RIC3: variants seen among roughly 807,000 people sequenced by gnomAD.
RIC3 encodes the protein protein RIC-3.
In RIC3, 28 loss-of-function variants were observed where a neutral mutation model predicts 27.3. The ratio of observed to expected loss-of-function variants is 1.02; its 90% CI spans 0.76 to 1.41. The LOEUF (loss-of-function observed/expected upper bound fraction) is 1.41, where lower values mean the gene tolerates loss of function less well. RIC3 is among the 40% of genes most tolerant of loss of function. RIC3 has a pLI of 0.00. For missense variants in RIC3, 501 were observed against 444.7 expected (o/e 1.13, Z -1.14); for synonymous variants, 184 against 160.4 (o/e 1.15, Z -1.11).
At chr11:8,166,214 T>C (rs1951682617) in intron 1 of RIC3, among the ~76,000 whole-genome samples, 1 of 152,228 alleles carries the variant, frequency 6.6e-6, no homozygotes, top group African/African-American at 2.4e-5. Context: ...CTGTTTTGCA[T>C]TTATCTGTTG....
the RIC3 span, chr11:8,100,962 C>T: frequency 1.9e-6 from 3 of 1,614,170 alleles, no homozygotes; most frequent in Non-Finnish European, 2.5e-6. Flanking sequence ...ACACAGGCCT[C>T]CGTGAAGAAC....
downstream of RIC3, chr11:8,103,819 GGTTCTGA>G (rs1287643574): frequency 8.5e-5 from 13 of 152,710 alleles, no homozygotes; most frequent in African/African-American, 3.1e-4. Context: ...AGAACAGGCT[GGTTCTGA>G]GTTCTGGTGA....
At chr11:8,156,113 C>T (rs1296238698) in intron 1 of RIC3, among the ~76,000 whole-genome samples, 1 of 151,160 alleles carries the variant, frequency 6.6e-6, no homozygotes, top group Admixed American at 6.6e-5. Flanking sequence ...TTGCTTAGCA[C>T]AGGGCCCGAT....
intron 1 of RIC3, among the ~76,000 whole-genome samples, chr11:8,149,581 A>C (rs1353903009): frequency 2.6e-5 from 4 of 152,212 alleles, no homozygotes; most frequent in Non-Finnish European, 5.9e-5. Context: ...ACAGTAACTT[A>C]GCACTGAGAT....
chr11:8,128,247 G>A (rs1243623837), intron 4 of RIC3: 1 of 457,286 alleles, frequency 2.2e-6, no homozygotes, highest in Admixed American at 2.4e-5. Context: ...TGTCTCTTCA[G>A]GCGGCACATG....
intron 4 of RIC3, among the ~76,000 whole-genome samples, chr11:8,129,219 C>T (rs1038158219): frequency 6.6e-6 from 1 of 151,844 alleles, no homozygotes; most frequent in Admixed American, 6.6e-5. Flanking sequence ...TTAAACATTC[C>T]TTTTATCTAT....
At chr11:8,161,061 C>A (rs1052719391) in intron 1 of RIC3, among the ~76,000 whole-genome samples, 2 of 152,026 alleles carry the variant, frequency 1.3e-5, no homozygotes, top group Non-Finnish European at 2.9e-5. Context: ...GAAAAGTGAG[C>A]TGGAGGGGAA....
At chr11:8,122,864 C>CAAAAAAAAAAAAAAAAAAAAAAAA (rs55826618) in intron 5 of RIC3, among the ~76,000 whole-genome samples, 1 of 63,514 alleles carries the variant, frequency 1.6e-5, no homozygotes, top group South Asian at 5.8e-4. Context: ...ACCAGGTATG[C>CAAAAAAAAAAAAAAAAAAAAAAAA]AAAAAAAAAA....
Position 8,109,720 on chromosome 11 carries a change from A to C in RIC3, c.*978T>G, listed in dbSNP as rs185719546. 6.6e-6 allele frequency: 1 copy of C among 152,190 alleles called. No homozygotes were observed. The allele number at this position is 152,190 out of a possible 1,614,324, so 9.4% of individuals were successfully genotyped here. A position where few individuals can be genotyped will look rare whatever the true frequency, so the allele number is the denominator to read the frequency against. The stretch of plus-strand genomic sequence containing the variant: ...CATTCAGAAACAGCTTTAGGTAAGG[A>C]CTGTCCATAAGCACACAGATTCTCT... On this transcript the variant is annotated 3_prime_UTR_variant, in exon 6 of 6. Coordinates refer to ENST00000309737, the MANE Select transcript of RIC3 (RefSeq NM_001206671.4).
chr11:8,095,772 A>G, the RIC3 span: 1 of 1,242,704 alleles, frequency 8.0e-7, no homozygotes, highest in Admixed American at 2.4e-5. Flanking sequence ...CCTCCCTGGC[A>G]ATGGTGGGTG....
At chr11:8,123,221 A>T (rs1450965101) in intron 5 of RIC3, among the ~76,000 whole-genome samples, 1 of 152,202 alleles carries the variant, frequency 6.6e-6, no homozygotes, top group East Asian at 1.9e-4. Context: ...AACTCACATG[A>T]CCTGTGGGGC....
downstream of RIC3, chr11:8,101,849 T>TTAATGA: frequency 1.9e-6 from 1 of 514,992 alleles, no homozygotes; most frequent in South Asian, 3.5e-5. Flanking sequence ...AGAATAATTC[T>TTAATGA]TTCCATGCCA....
At chr11:8,160,674 A>G (rs950952857) in intron 1 of RIC3, among the ~76,000 whole-genome samples, 1 of 152,234 alleles carries the variant, frequency 6.6e-6, no homozygotes, top group African/African-American at 2.4e-5. Context: ...AGCAATCCCC[A>G]GAAAGCATTA....
chr11:8,104,823 A>ACAGGTGTTG (rs908717223), downstream of RIC3: 15 of 152,188 alleles, frequency 9.9e-5, no homozygotes, highest in Non-Finnish European at 4.4e-5. Context: ...TATGGCGAAC[A>ACAGGTGTTG]CAGGTGTTGG....
intron 5 of RIC3, among the ~76,000 whole-genome samples, chr11:8,123,136 A>G (rs1368358947): frequency 1.3e-5 from 2 of 152,124 alleles, no homozygotes; most frequent in Non-Finnish European, 2.9e-5. Flanking sequence ...GTAGAAGAAG[A>G]CATCAATAAA....
In RIC3 at chr11:8,140,280, G is replaced by C. The variant is rs917532042; in HGVS notation, c.125-87C>G. 4.1e-6 allele frequency: 5 copies of C among 1,228,742 alleles called. No homozygotes were observed. In the East Asian group the frequency reaches 7.6e-5, roughly 19 times the overall value. The allele number at this position is 1,228,742 out of a possible 1,614,324, so 76.1% of individuals were successfully genotyped here. On this transcript the variant is annotated intron_variant, in intron 1 of 5. Transcript: ENST00000309737. ...CACCAAATCATTAAGGTATAAAAGA[G>C]GCCAACACAAACAAGTAGAAGAAAA...
intron 1 of RIC3, among the ~76,000 whole-genome samples, chr11:8,157,266 C>A (rs921300547): frequency 2.6e-5 from 4 of 152,206 alleles, no homozygotes; most frequent in African/African-American, 9.7e-5. Context: ...GCTGCTTTAT[C>A]AATTACAGCT....
chr11:8,112,268 T>C (rs1334831638), intron 5 of RIC3, among the ~76,000 whole-genome samples: 2 of 146,372 alleles, frequency 1.4e-5, no homozygotes, highest in Non-Finnish European at 3.0e-5. Flanking sequence ...TATACACATA[T>C]ATTTTCTTTT....
intron 1 of RIC3, among the ~76,000 whole-genome samples, chr11:8,147,414 AC>A (rs1949805724): frequency 6.6e-6 from 1 of 152,084 alleles, no homozygotes; most frequent in South Asian, 2.1e-4. Flanking sequence ...TTAAAAGGGT[AC>A]CTTAGTTGAT....
Sources: allele counts gnomAD v4.1 joint callset (sites outside exome capture counted in the v4.1 genomes callset), GRCh38; gene constraint gnomAD v4.1.1; transcripts MANE v1.5; gene names NCBI Gene and HGNC (gene_info 2026-07-23, HGNC 2026-07-21).